Variants in CAST observed in about 807,000 individuals in gnomAD.
CAST encodes the protein MIR583 host.
Under a neutral mutation model 119.6 loss-of-function variants are expected in CAST, and 76 were observed. The ratio of observed to expected loss-of-function variants is 0.64; its 90% CI spans 0.53 to 0.77. CAST has a LOEUF of 0.77. CAST is among the 30% of genes least tolerant of loss of function. CAST has a pLI of 0.00. For synonymous variants in CAST, 319 were observed against 331.6 expected, an observed-to-expected ratio of 0.96 and a Z score of 0.41; for missense variants, 953 against 946.5, an observed-to-expected ratio of 1.01 and a Z score of -0.09.
At chr5:96,631,182 A>G (rs1209747581) in intron 1 of CAST, 1 of 140,704 alleles carries the variant, frequency 7.1e-6, no homozygotes, top group African/African-American at 2.5e-5. Flanking sequence ...ACTCTGTTGT[A>G]CAACCATCAC....
At chr5:96,692,128 T>C (rs544364611) in intron 2 of CAST, among the ~76,000 whole-genome samples, 1 of 152,212 alleles carries the variant, frequency 6.6e-6, no homozygotes, top group African/African-American at 2.4e-5. Context: ...TGTGAGTAGA[T>C]GAATTCTTTC....
At chr5:96,184,549 C>T in the CAST span, among the ~76,000 whole-genome samples, 5 of 151,612 alleles carry the variant, frequency 3.3e-5, no homozygotes, top group African/African-American at 1.2e-4. Flanking sequence ...TGTTCCTGCC[C>T]ATGTGTCCAT....
At chr5:96,467,541 C>T in the CAST span, among the ~76,000 whole-genome samples, 1 of 151,966 alleles carries the variant, frequency 6.6e-6, no homozygotes. Flanking sequence ...CAAATGGCTT[C>T]CCAGTTTTCT....
Position 96,762,353 on chromosome 5 carries a change from C to T in CAST, c.1913C>T (p.Ala638Val), listed in dbSNP as rs1768292070. 1.2e-6 allele frequency: 2 copies of T among 1,600,434 alleles called. No individual in the cohort carries two copies. The highest frequency in any genetic ancestry group is 1.7e-6 in the Non-Finnish European group (2 of 1,174,712). ...CCAGCTTCAACGACCCAAGCTGGAGCCCCACCCCGTGATACCTCGGTAAGC... is the reference window on the plus strand; with the variant it reads ...CCAGCTTCAACGACCCAAGCTGGAGTCCCACCCCGTGATACCTCGGTAAGC... ...QTPASTTQAGAPPRDTSQSDK... is the reference protein window; with the variant it reads ...QTPASTTQAGVPPRDTSQSDK... The change falls in exon 25 of 32, where the codon GCC becomes GTC. Residue 638 changes from alanine to valine, a missense_variant. Ala to Val is a moderately conservative substitution (Grantham distance 64). Coordinates refer to ENST00000675179, the MANE Select transcript of CAST (RefSeq NM_001750.7).
intron 6 of CAST, chr5:96,728,170 C>G (rs26514): frequency 0.19 from 28,719 of 152,158 alleles, 3,076 homozygotes; most frequent in East Asian, 0.34. Context: ...GCACTTAAAG[C>G]AAGTACTAAG....
At chr5:96,408,390 G>T in the CAST span, 67 of 1,126,998 alleles carry the variant, frequency 5.9e-5, 1 homozygote, top group Non-Finnish European at 5.3e-6. Context: ...TGTCTTGGGG[G>T]TTAACTGTAC....
chr5:95,991,532 G>T, the CAST span, among the ~76,000 whole-genome samples: 3,915 of 122,526 alleles, frequency 0.032, 95 homozygotes, highest in Middle Eastern at 0.085. Flanking sequence ...TGAGACAAAG[G>T]TCTCACTCTG....
chr5:96,569,091 G>A (rs1746527802), intron 1 of CAST, among the ~76,000 whole-genome samples: 3 of 152,168 alleles, frequency 2.0e-5, no homozygotes, highest in African/African-American at 7.2e-5. Flanking sequence ...ATCATGAGTG[G>A]AAGGAACTCC....
the CAST span, chr5:96,433,121 C>A: frequency 1.5e-5 from 20 of 1,324,594 alleles, no homozygotes; most frequent in East Asian, 3.9e-4. Context: ...AGACAGACTC[C>A]CCCTTCCCAC....
the CAST span, among the ~76,000 whole-genome samples, chr5:96,120,803 A>G: frequency 6.6e-6 from 1 of 150,990 alleles, no homozygotes; most frequent in Non-Finnish European, 1.5e-5. Flanking sequence ...CTTCCTTGCT[A>G]TACCGATCTT....
At chr5:96,617,169 T>C (rs527455569) in intron 1 of CAST, among the ~76,000 whole-genome samples, 1 of 152,258 alleles carries the variant, frequency 6.6e-6, no homozygotes, top group African/African-American at 2.4e-5. Flanking sequence ...GATTTTCAAC[T>C]ATCTCTAAAT....
the CAST span, among the ~76,000 whole-genome samples, chr5:96,156,071 A>G: frequency 6.6e-6 from 1 of 152,360 alleles, no homozygotes; most frequent in South Asian, 2.1e-4. Flanking sequence ...TTTATATCGT[A>G]TTGAACGTGG....
the CAST span, among the ~76,000 whole-genome samples, chr5:96,061,513 A>T: frequency 6.6e-6 from 1 of 152,224 alleles, no homozygotes; most frequent in East Asian, 1.9e-4. Flanking sequence ...AAAGGCCTGA[A>T]CTTGACTCAC....
the CAST span, among the ~76,000 whole-genome samples, chr5:96,369,992 T>C: frequency 2.0e-5 from 3 of 152,110 alleles, no homozygotes; most frequent in African/African-American, 7.2e-5. Context: ...TTAAATAATA[T>C]GAAATTTCTG....
At chr5:96,575,559 A>G (rs75174898) in intron 1 of CAST, among the ~76,000 whole-genome samples, 9,820 of 152,176 alleles carry the variant, frequency 0.065, 867 homozygotes, top group East Asian at 0.31. Context: ...ATCTATCAAA[A>G]TGTGGTAATT....
At chr5:96,144,845 T>A in the CAST span, among the ~76,000 whole-genome samples, 8 of 151,962 alleles carry the variant, frequency 5.3e-5, no homozygotes, top group East Asian at 1.2e-3. Flanking sequence ...CCCAGCTAAT[T>A]TTTTTTTGTA....
At chr5:96,386,931 C>T in the CAST span, among the ~76,000 whole-genome samples, 6 of 152,214 alleles carry the variant, frequency 3.9e-5, no homozygotes, top group Non-Finnish European at 5.9e-5. Flanking sequence ...TACCACTGCA[C>T]TCCAGCCTGG....
At chr5:96,115,288 C>T in the CAST span, among the ~76,000 whole-genome samples, 3 of 152,208 alleles carry the variant, frequency 2.0e-5, no homozygotes, top group African/African-American at 7.2e-5. Flanking sequence ...TTTCTTTCTG[C>T]TGAACTGTGA....
chr5:95,988,610 A>G, the CAST span, among the ~76,000 whole-genome samples: 2 of 152,176 alleles, frequency 1.3e-5, no homozygotes, highest in Non-Finnish European at 2.9e-5. Context: ...GAGACTCTGA[A>G]GTCAGATGGT....
Sources: gnomAD v4.1 joint callset for allele counts (sites outside exome capture counted in the v4.1 genomes callset) on GRCh38, gnomAD v4.1.1 for gene constraint, MANE v1.5 for transcripts, NCBI Gene and HGNC (gene_info 2026-07-23, HGNC 2026-07-21) for gene names.